GRM8: variants seen among roughly 807,000 people sequenced by gnomAD.
GRM8 encodes metabotropic glutamate receptor 8.
GRM8 carries 47 observed loss-of-function variants against 87.2 expected under a neutral mutation model. That is an observed-to-expected ratio of 0.54 (90% confidence interval 0.43 to 0.69). The LOEUF (loss-of-function observed/expected upper bound fraction) is 0.69, where lower values mean the gene tolerates loss of function less well. Ranked by LOEUF, GRM8 falls within the 30% of genes least tolerant of loss-of-function variation. GRM8 has a pLI of 0.00. For missense variants in GRM8, 1,019 were observed against 1,139.2 expected, an observed-to-expected ratio of 0.89 and a Z score of 1.52; for synonymous variants, 396 against 404.5, an observed-to-expected ratio of 0.98 and a Z score of 0.25.
chr7:126,703,824 C>T (rs767756289), intron 7 of GRM8, among the ~76,000 whole-genome samples: 12 of 152,134 alleles, frequency 7.9e-5, no homozygotes, highest in Non-Finnish European at 1.5e-4. Flanking sequence ...GGCCCCCCAG[C>T]GTGCTGAGAT....
chr7:126,582,168 T>C (rs569479832), intron 8 of GRM8, among the ~76,000 whole-genome samples: 1 of 149,886 alleles, frequency 6.7e-6, no homozygotes, highest in Non-Finnish European at 1.5e-5. Flanking sequence ...GAAAAGTTAT[T>C]GAAGAAAATA....
At chr7:126,524,547 T>G (rs918964083) in intron 9 of GRM8, among the ~76,000 whole-genome samples, 2 of 152,206 alleles carry the variant, frequency 1.3e-5, no homozygotes, top group African/African-American at 4.8e-5. Flanking sequence ...TTTTCTTTCT[T>G]CAGTTGTGAA....
At chr7:127,082,839 G>C (rs1823014322) in intron 3 of GRM8, among the ~76,000 whole-genome samples, 1 of 152,174 alleles carries the variant, frequency 6.6e-6, no homozygotes, top group South Asian at 2.1e-4. Context: ...TTACAGATGT[G>C]GCAGGTGGGG....
intron 3 of GRM8, among the ~76,000 whole-genome samples, chr7:126,919,445 T>C (rs1208424542): frequency 6.6e-6 from 1 of 152,126 alleles, no homozygotes; most frequent in Non-Finnish European, 1.5e-5. Context: ...AGAGGGTACA[T>C]CAGAAAACTT....
chr7:126,816,636 G>C (rs548166665), intron 6 of GRM8, among the ~76,000 whole-genome samples: 1 of 152,080 alleles, frequency 6.6e-6, no homozygotes, highest in South Asian at 2.1e-4. Context: ...TCATGATGAT[G>C]ATGATGATGA....
At chr7:126,478,002 T>C (rs186720626) in intron 9 of GRM8, among the ~76,000 whole-genome samples, 191 of 152,244 alleles carry the variant, frequency 1.3e-3, no homozygotes, top group African/African-American at 4.5e-3. Context: ...TGCTTCCATG[T>C]CCACATGGCC....
chr7:126,999,928 C>T lies in GRM8; in HGVS notation c.728-95245G>A, dbSNP rs532925669. On this transcript the variant is annotated intron_variant, in intron 3 of 10. Transcript: ENST00000339582. Reference sequence around the variant, plus strand: ...AGAAATCAGTATATCAAAGGGATAGCTTCACTCCCATGTTTGTTGCAGCAC... The same window carrying T: ...AGAAATCAGTATATCAAAGGGATAGTTTCACTCCCATGTTTGTTGCAGCAC... Among the ~76,000 whole-genome samples, 88 of 151,940 alleles carry T rather than the reference C, an allele frequency of 5.8e-4. 2 individuals carry two copies. The highest frequency in any genetic ancestry group is 4.6e-4 in the Admixed American group (7 of 15,226).
intron 3 of GRM8, among the ~76,000 whole-genome samples, chr7:126,993,395 T>C (rs1393230904): frequency 6.6e-6 from 1 of 152,168 alleles, no homozygotes; most frequent in Non-Finnish European, 1.5e-5. Flanking sequence ...TAGATGAATC[T>C]TGAAAATATT....
At position 126,465,430 on chromosome 7, in the gene GRM8, G is replaced by C. The variant is rs112807849; in HGVS notation, c.2431-19058C>G. On this transcript the variant is annotated intron_variant, in intron 9 of 10. Coordinates refer to ENST00000339582, the MANE Select transcript of GRM8 (RefSeq NM_000845.3). Reference sequence around the variant, plus strand: ...AATGTATAGCTCAATCTCGGTATTTGATATCTTTATAAAATTGAATCTTCT... The same window carrying C: ...AATGTATAGCTCAATCTCGGTATTTCATATCTTTATAAAATTGAATCTTCT... The C allele has an allele frequency of 4.1e-3, 623 of 151,338 alleles. 5 individuals carry two copies. Among genetic ancestry groups the C allele is most frequent in the African/African-American group, 0.014 (596 of 41,320 alleles). 9.4% of individuals were successfully genotyped at this position (151,338 alleles called of 1,614,324 possible). A position where few individuals can be genotyped will look rare whatever the true frequency, so the allele number is the denominator to read the frequency against.
At chr7:126,911,748 G>A (rs1410143030) in intron 3 of GRM8, among the ~76,000 whole-genome samples, 1 of 152,198 alleles carries the variant, frequency 6.6e-6, no homozygotes, top group East Asian at 1.9e-4. Context: ...GAAGTTCTGA[G>A]GCTAGAATGG....
At chr7:126,487,259 C>A (rs1807477079) in intron 9 of GRM8, among the ~76,000 whole-genome samples, 1 of 151,506 alleles carries the variant, frequency 6.6e-6, no homozygotes, top group Admixed American at 6.6e-5. Flanking sequence ...ATAATGAAAA[C>A]CCCGCTTCAG....
intron 8 of GRM8, among the ~76,000 whole-genome samples, chr7:126,575,495 A>C (rs1421768466): frequency 6.6e-6 from 1 of 151,980 alleles, no homozygotes; most frequent in Non-Finnish European, 1.5e-5. Flanking sequence ...TCTCACCCCA[A>C]GTCCATGGAA....
At chr7:127,190,499 G>A (rs571622499) in intron 2 of GRM8, among the ~76,000 whole-genome samples, 60 of 151,666 alleles carry the variant, frequency 4.0e-4, no homozygotes, top group Middle Eastern at 3.4e-3. Flanking sequence ...AGCCGGGATC[G>A]TGCCATTGCA....
At chr7:127,085,567 T>C (rs2132838044) in intron 3 of GRM8, among the ~76,000 whole-genome samples, 1 of 152,376 alleles carries the variant, frequency 6.6e-6, no homozygotes, top group African/African-American at 2.4e-5. Flanking sequence ...CCAGTGATGA[T>C]GAGCATTTTT....
intron 6 of GRM8, among the ~76,000 whole-genome samples, chr7:126,887,931 A>G (rs1002548024): frequency 2.6e-5 from 4 of 152,096 alleles, no homozygotes; most frequent in African/African-American, 9.7e-5. Context: ...TTTTGCACCA[A>G]TTAATGAAAC....
chr7:126,835,011 G>C (rs1401156765), intron 6 of GRM8, among the ~76,000 whole-genome samples: 1 of 151,444 alleles, frequency 6.6e-6, no homozygotes. Flanking sequence ...AGGAGGTTGA[G>C]GCTTCAGTGA....
intron 6 of GRM8, among the ~76,000 whole-genome samples, chr7:126,893,069 A>C (rs1801212395): frequency 6.6e-6 from 1 of 152,014 alleles, no homozygotes; most frequent in South Asian, 2.1e-4. Flanking sequence ...TCCATTATGT[A>C]CTCCAAGTTG....
Position 126,533,940 on chromosome 7 carries a change from C to G in GRM8, c.1495-53G>C. 2.2e-6 allele frequency: 3 copies of G among 1,335,120 alleles called. No homozygotes were observed. The South Asian group carries it at 4.0e-5, about 18-fold the overall frequency. The allele number at this position is 1,335,120 out of a possible 1,614,324, so 82.7% of individuals were successfully genotyped here. On this transcript the variant is annotated intron_variant, in intron 8 of 10. Transcript: ENST00000339582. ...TCCATTTTTCCCCCATTTATAATAT[C>G]CTAATCCTAGCCACGGGTTTGTAAT... is the stretch of plus-strand genomic sequence containing the variant.
chr7:126,639,441 C>G (rs1051873797), intron 7 of GRM8, among the ~76,000 whole-genome samples: 18 of 152,246 alleles, frequency 1.2e-4, no homozygotes, highest in African/African-American at 4.1e-4. Context: ...ATAGAAGGGA[C>G]ATGAAGACAA....
Sources: allele counts gnomAD v4.1 joint callset (sites outside exome capture counted in the v4.1 genomes callset), GRCh38; gene constraint gnomAD v4.1.1; transcripts MANE v1.5; gene names NCBI Gene and HGNC (gene_info 2026-07-23, HGNC 2026-07-21).